The following GFRA2 variants were observed in gnomAD, a reference collection of about 807,000 sequenced individuals.
GFRA2 encodes GDNF family receptor alpha 2, also known as GDNF family receptor alpha-2.
A neutral mutation model predicts 48.3 loss-of-function variants in GFRA2; 17 were observed. The ratio of observed to expected loss-of-function variants is 0.35; its 90% CI spans 0.24 to 0.53. The LOEUF (loss-of-function observed/expected upper bound fraction) is 0.53. GFRA2 is among the 20% of genes least tolerant of loss of function. The pLI is 0.93. For synonymous variants in GFRA2, 305 were observed against 257.2 expected (o/e 1.19, Z -1.78); for missense variants, 660 against 637.3 (o/e 1.04, Z -0.38).
At chr8:21,696,357 G>T (rs964029571) in intron 7 of GFRA2, among the ~76,000 whole-genome samples, 3 of 152,048 alleles carry the variant, frequency 2.0e-5, no homozygotes, top group Admixed American at 2.0e-4. Context: ...AGTCTTAGCT[G>T]TTTTGTATAT....
intron 3 of GFRA2, among the ~76,000 whole-genome samples, chr8:21,752,700 C>T (rs1805357267): frequency 1.3e-5 from 2 of 152,142 alleles, no homozygotes; most frequent in Admixed American, 1.3e-4. Context: ...CCAAATCTCA[C>T]ACTTGACACA....
chr8:21,802,562 C>T (rs947235364), intron 2 of GFRA2, among the ~76,000 whole-genome samples: 7 of 152,028 alleles, frequency 4.6e-5, no homozygotes, highest in African/African-American at 1.4e-4. Context: ...TCTGTGTTGC[C>T]CAGGATGGTC....
chr8:21,692,700 G>C lies in GFRA2; in HGVS notation c.*578C>G, dbSNP rs1347731000. On this transcript the variant is annotated 3_prime_UTR_variant, in exon 9 of 9. Coordinates refer to ENST00000524240, the MANE Select transcript of GFRA2 (RefSeq NM_001495.5). The stretch of plus-strand genomic sequence containing the variant: ...AACCCCCTCCACCGCCATCCGTGGG[G>C]AAGTTCCCACACCAGCTGCAGACCC... 1 of 152,458 alleles carries C rather than the reference G, an allele frequency of 6.6e-6. No homozygotes were observed. The highest frequency in any genetic ancestry group is 2.4e-5 in the African/African-American group (1 of 41,472). 9.4% of individuals were successfully genotyped at this position (152,458 alleles called of 1,614,324 possible). A position where few individuals can be genotyped will look rare whatever the true frequency, so the allele number is the denominator to read the frequency against.
chr8:21,698,037 G>A (rs532183587), intron 7 of GFRA2, among the ~76,000 whole-genome samples: 4 of 152,262 alleles, frequency 2.6e-5, no homozygotes, highest in East Asian at 1.9e-4. Context: ...CACAGCAGAC[G>A]AATACACAGA....
At chr8:21,797,021 G>A (rs554738168) in intron 2 of GFRA2, among the ~76,000 whole-genome samples, 5 of 152,204 alleles carry the variant, frequency 3.3e-5, no homozygotes, top group African/African-American at 4.8e-5. Context: ...GTCCCACTAC[G>A]TGACAGCGAT....
chr8:21,746,943 T>A (rs1260311163), intron 4 of GFRA2, among the ~76,000 whole-genome samples: 2 of 152,156 alleles, frequency 1.3e-5, no homozygotes, highest in Admixed American at 1.3e-4. Context: ...CATTGTCACA[T>A]TATCCACCCT....
chr8:21,735,808 G>C (rs1037263868), intron 4 of GFRA2, among the ~76,000 whole-genome samples: 4 of 151,690 alleles, frequency 2.6e-5, no homozygotes, highest in Admixed American at 2.6e-4. Flanking sequence ...CCGGGACTAC[G>C]GGCCCATGCC....
Position 21,708,100 on chromosome 8 carries a change from T to G in GFRA2, c.795-2059A>C, listed in dbSNP as rs562905521. 2.6e-5 allele frequency among the ~76,000 whole-genome samples: 4 copies of G among 152,332 alleles called. No homozygotes were observed. In the East Asian group the frequency reaches 7.7e-4, roughly 29 times the overall value. ...GGGCACCATTTCTGGCAGGCCCCAG[T>G]GCTCCTGTGTTGCAGGAGGGCCTGG... On this transcript the variant is annotated intron_variant, in intron 4 of 8. Transcript: ENST00000524240.
intron 2 of GFRA2, among the ~76,000 whole-genome samples, chr8:21,777,709 A>G (rs1490620202): frequency 2.0e-5 from 3 of 152,192 alleles, no homozygotes; most frequent in African/African-American, 7.2e-5. Context: ...TGGTAATGGC[A>G]GTGAGGAAAA....
chr8:21,700,963 G>A (rs768626308), intron 7 of GFRA2, among the ~76,000 whole-genome samples: 1 of 152,164 alleles, frequency 6.6e-6, no homozygotes, highest in South Asian at 2.1e-4. Flanking sequence ...TCCAAGCTAG[G>A]GGAGCTGAGA....
chr8:21,716,801 T>C (rs1048769403), intron 4 of GFRA2, among the ~76,000 whole-genome samples: 3 of 152,146 alleles, frequency 2.0e-5, no homozygotes, highest in Admixed American at 6.5e-5. Context: ...CAATGAGACA[T>C]GTAACACGTA....
chr8:21,730,039 T>G (rs562395800), intron 4 of GFRA2, among the ~76,000 whole-genome samples: 1 of 151,588 alleles, frequency 6.6e-6, no homozygotes, highest in Non-Finnish European at 1.5e-5. Flanking sequence ...GGGCCTCTCT[T>G]GGTGGGAGGG....
chr8:21,779,133 G>C (rs1007941487), intron 2 of GFRA2, among the ~76,000 whole-genome samples: 2 of 152,138 alleles, frequency 1.3e-5, no homozygotes, highest in Admixed American at 1.3e-4. Flanking sequence ...CCAGGAGGTA[G>C]AGGCTGCAGT....
chr8:21,704,902 C>A (rs762061681), intron 6 of GFRA2, 83 bp downstream of exon 6: 15 of 1,069,298 alleles, frequency 1.4e-5, no homozygotes, highest in Non-Finnish European at 1.7e-5. Flanking sequence ...GCCATCCCCA[C>A]GGAAGGAGAT....
chr8:21,799,417 AC>A (rs1327062931), intron 2 of GFRA2, among the ~76,000 whole-genome samples: 2 of 151,986 alleles, frequency 1.3e-5, no homozygotes, highest in African/African-American at 4.8e-5. Flanking sequence ...ACGGGGTTTC[AC>A]ATGTTAGCCA....
intron 7 of GFRA2, among the ~76,000 whole-genome samples, 154 bp from the exon 8 acceptor site, chr8:21,694,671 A>T (rs1001304271): frequency 6.6e-6 from 1 of 152,182 alleles, no homozygotes; most frequent in African/African-American, 2.4e-5. Flanking sequence ...TCCACCCAGC[A>T]CAAAAGGCTT....
chr8:21,707,158 C>T (rs1399269914), intron 4 of GFRA2, among the ~76,000 whole-genome samples: 1 of 152,220 alleles, frequency 6.6e-6, no homozygotes, highest in Non-Finnish European at 1.5e-5. Context: ...ACTTCAGTCG[C>T]CATGCACTCC....
chr8:21,759,030 A>G (rs1805737098), intron 3 of GFRA2, among the ~76,000 whole-genome samples: 1 of 152,202 alleles, frequency 6.6e-6, no homozygotes, highest in South Asian at 2.1e-4. Context: ...GTGTGCAGGA[A>G]AGAAAGAATC....
At chr8:21,785,326 A>G (rs1423374531) in intron 1 of GFRA2, among the ~76,000 whole-genome samples, 1 of 152,128 alleles carries the variant, frequency 6.6e-6, no homozygotes, top group Non-Finnish European at 1.5e-5. Context: ...GGCAACAGAC[A>G]CACTCTGCGA....
Sources: allele counts gnomAD v4.1 joint callset (sites outside exome capture counted in the v4.1 genomes callset), GRCh38; gene constraint gnomAD v4.1.1; transcripts MANE v1.5; gene names NCBI Gene and HGNC (gene_info 2026-07-23, HGNC 2026-07-21).